The following PARD6G variants were observed in gnomAD, a reference collection of about 807,000 sequenced individuals.
PARD6G encodes the protein partitioning defective 6 homolog gamma.
Under a neutral mutation model 10.7 loss-of-function variants are expected in PARD6G, and 7 were observed. The observed-to-expected ratio is 0.66, with a 90% CI of 0.37 to 1.23. PARD6G has a LOEUF of 1.23. PARD6G is among the 50% of genes most tolerant of loss of function. The pLI, the probability that PARD6G is intolerant of heterozygous loss-of-function variation, is 0.02. For synonymous variants in PARD6G, 287 were observed against 269.4 expected (o/e 1.07, Z -0.64); for missense variants, 548 against 571.8 (o/e 0.96, Z 0.42).
intron 1 of PARD6G, among the ~76,000 whole-genome samples, chr18:80,233,879 A>G (rs1967388409): frequency 1.3e-5 from 2 of 152,194 alleles, no homozygotes; most frequent in Admixed American, 1.3e-4. Flanking sequence ...TAAGACAGAA[A>G]ATAAATGCAC....
chr18:80,177,217 C>T lies in PARD6G; in HGVS notation c.296-16611G>A, dbSNP rs868858501. On this transcript the variant is annotated intron_variant, in intron 2 of 2. Transcript: ENST00000353265. The stretch of plus-strand genomic sequence containing the variant: ...TATAAATCACAGCCTAAATGGGAAG[C>T]GCACACACACACACACACACACACA... Among the ~76,000 whole-genome samples, 14 of 117,126 alleles carry T rather than the reference C, an allele frequency of 1.2e-4. No individual in the cohort carries two copies. In the South Asian group the frequency reaches 3.1e-3, roughly 26 times the overall value. The allele number at this position is 117,126 out of a possible 152,430, so 76.8% of individuals were successfully genotyped here.
Position 80,161,645 on chromosome 18 carries a change from C to T in PARD6G, c.296-1039G>A, listed in dbSNP as rs1162935940. ...ACACGACTCTGTAAGACAGGCGTCT[C>T]GGGGAGCAGAGGGAAGGGCTTGCTC... On this transcript the variant is annotated intron_variant, in intron 2 of 2. Coordinates refer to ENST00000353265, the MANE Select transcript of PARD6G (RefSeq NM_032510.4). This position sits in a 1 kb window ranked among gnomAD's most constrained non-coding sequence, Gnocchi z 4.6. 5 of 152,146 alleles carry T rather than the reference C, an allele frequency of 3.3e-5. No individual in the cohort carries two copies. The highest frequency in any genetic ancestry group is 5.9e-5 in the Non-Finnish European group (4 of 68,042). The allele number at this position is 152,146 out of a possible 1,614,324, so 9.4% of individuals were successfully genotyped here.
chr18:80,158,144 C>G lies in PARD6G; in HGVS notation c.*1627G>C, dbSNP rs1432123717. 6.6e-6 allele frequency: 1 copy of G among 152,120 alleles called. No individual in the cohort carries two copies. Among genetic ancestry groups the G allele is most frequent in the East Asian group, 1.9e-4 (1 of 5,196 alleles). The allele number at this position is 152,120 out of a possible 1,614,324, so 9.4% of individuals were successfully genotyped here. ...AAATATATAAACGTTGCTGGAAGAT[C>G]AACATAAAGTGAGGATGAATTTAGT... is the stretch of plus-strand genomic sequence containing the variant. On this transcript the variant is annotated 3_prime_UTR_variant, in exon 3 of 3. Coordinates refer to ENST00000353265, the MANE Select transcript of PARD6G (RefSeq NM_032510.4).
intron 1 of PARD6G, among the ~76,000 whole-genome samples, chr18:80,241,847 G>A (rs940372363): frequency 2.0e-5 from 3 of 152,162 alleles, no homozygotes; most frequent in African/African-American, 4.8e-5. Context: ...CCTTCTTGCT[G>A]CCTCTAAAGG....
intron 2 of PARD6G, among the ~76,000 whole-genome samples, chr18:80,178,608 C>A (rs553283108): frequency 6.6e-6 from 1 of 152,350 alleles, no homozygotes; most frequent in South Asian, 2.1e-4. Flanking sequence ...TTTGGTAAAA[C>A]CATGTCCCAG....
rs1967464342 is a variant in PARD6G at position 80,239,398 on chromosome 18, A to G, written c.72+7879T>C. ...CCTGGGCTACACTGGAGGAAGAATC[A>G]TCATCTTGGGCCACACATAAAATGC... On this transcript the variant is annotated intron_variant, in intron 1 of 2. Coordinates refer to ENST00000353265, the MANE Select transcript of PARD6G (RefSeq NM_032510.4). Among the ~76,000 whole-genome samples the G allele has an allele frequency of 2.0e-5, 3 of 152,198 alleles. No individual in the cohort carries two copies. In the South Asian group the frequency reaches 6.2e-4, roughly 31 times the overall value.
At position 80,228,111 on chromosome 18, in the gene PARD6G, C is replaced by T. The variant is rs751472965; in HGVS notation, c.72+19166G>A. On this transcript the variant is annotated intron_variant, in intron 1 of 2. Transcript: ENST00000353265. The surrounding 1 kb of genome is among the most constrained non-coding windows in gnomAD (Gnocchi z 4.6). ...GTAGATACTAAAAACATTTACTAAA[C>T]GACAGGTGACCAGCGTGAGGCAGGC... Among the ~76,000 whole-genome samples, 4 of 152,292 alleles carry T rather than the reference C, an allele frequency of 2.6e-5. No individual in the cohort carries two copies. Among genetic ancestry groups the T allele is most frequent in the Non-Finnish European group, 4.4e-5 (3 of 68,028 alleles).
intron 1 of PARD6G, among the ~76,000 whole-genome samples, chr18:80,212,488 G>A (rs375573260): frequency 3.5e-4 from 54 of 152,328 alleles, no homozygotes; most frequent in African/African-American, 1.3e-3. Context: ...GGTGGTGGGA[G>A]GTGCTCATTA....
chr18:80,239,199 C>A (rs1402333126), intron 1 of PARD6G, among the ~76,000 whole-genome samples: 1 of 152,062 alleles, frequency 6.6e-6, no homozygotes, highest in Non-Finnish European at 1.5e-5. Context: ...ACCCCAGGAA[C>A]ATGGGAGCAG....
chr18:80,222,035 A>T (rs1453820711), intron 1 of PARD6G, among the ~76,000 whole-genome samples: 4 of 152,120 alleles, frequency 2.6e-5, no homozygotes, highest in Non-Finnish European at 5.9e-5. Context: ...AGAAGATCTA[A>T]ATTAATGGAA....
chr18:80,191,388 C>G (rs1053911948), intron 2 of PARD6G, among the ~76,000 whole-genome samples: 1 of 152,120 alleles, frequency 6.6e-6, no homozygotes, highest in Non-Finnish European at 1.5e-5. Context: ...CTGTATGGTT[C>G]TTTGGGCTTT....
chr18:80,197,163 A>G (rs1568434933), intron 2 of PARD6G, among the ~76,000 whole-genome samples: 1 of 152,192 alleles, frequency 6.6e-6, no homozygotes, highest in Non-Finnish European at 1.5e-5. Context: ...GCAGAAATTG[A>G]ATTCTGACGG....
At chr18:80,209,074 TG>T (rs1209721218) in intron 1 of PARD6G, among the ~76,000 whole-genome samples, 1 of 151,492 alleles carries the variant, frequency 6.6e-6, no homozygotes, top group Admixed American at 6.6e-5. Context: ...CACTCCAGCT[TG>T]AGTAACAGAG....
At position 80,181,991 on chromosome 18, in the gene PARD6G, G is replaced by GC. The variant is rs2052850863; in HGVS notation, c.295+20718dup. ...TTTGCAGAGTTCAGAGCTCTCGCAG[G>GC]CCTCGTGTTCAACTCCTCATCTTGC... is the stretch of plus-strand genomic sequence containing the variant. On this transcript the variant is annotated intron_variant, in intron 2 of 2. Coordinates refer to ENST00000353265, the MANE Select transcript of PARD6G (RefSeq NM_032510.4). The surrounding 1 kb of genome is among the most constrained non-coding windows in gnomAD (Gnocchi z 7.9). 6.6e-6 allele frequency among the ~76,000 whole-genome samples: 1 copy of GC among 152,146 alleles called. No homozygotes were observed. Among genetic ancestry groups the GC allele is most frequent in the Non-Finnish European group, 1.5e-5 (1 of 68,024 alleles).
intron 2 of PARD6G, among the ~76,000 whole-genome samples, chr18:80,176,881 CAG>C (rs1343690509): frequency 6.6e-6 from 1 of 151,986 alleles, no homozygotes; most frequent in Non-Finnish European, 1.5e-5. Flanking sequence ...AGTCACAGTC[CAG>C]ATGGGAAGCA....
intron 2 of PARD6G, among the ~76,000 whole-genome samples, chr18:80,165,138 G>T (rs2052727075): frequency 6.6e-6 from 1 of 152,196 alleles, no homozygotes; most frequent in Non-Finnish European, 1.5e-5. Flanking sequence ...CCCCACCCTA[G>T]TAAGCCTGAA....
chr18:80,173,008 T>C (rs1009697512), intron 2 of PARD6G, among the ~76,000 whole-genome samples: 5 of 152,188 alleles, frequency 3.3e-5, no homozygotes, highest in African/African-American at 1.2e-4. Context: ...AACATAAATG[T>C]CACCATATGC....
Position 80,200,937 on chromosome 18 carries a change from A to G in PARD6G, c.295+1773T>C, listed in dbSNP as rs1967001595. ...TCACCCCAGCTCCACAGTCAGCGGG[A>G]CAAAAAGACTTGTTTCCTGCACGAT... On this transcript the variant is annotated intron_variant, in intron 2 of 2. Coordinates refer to ENST00000353265, the MANE Select transcript of PARD6G (RefSeq NM_032510.4). This position sits in a 1 kb window ranked among gnomAD's most constrained non-coding sequence, Gnocchi z 4.4. Among the ~76,000 whole-genome samples the G allele has an allele frequency of 6.6e-6, 1 of 152,224 alleles. No homozygotes were observed. Among genetic ancestry groups the G allele is most frequent in the Admixed American group, 6.5e-5 (1 of 15,286 alleles).
chr18:80,176,836 G>A (rs1199379042), intron 2 of PARD6G, among the ~76,000 whole-genome samples: 1 of 152,044 alleles, frequency 6.6e-6, no homozygotes, highest in African/African-American at 2.4e-5. Flanking sequence ...ACGATCCTTA[G>A]AAAACAAACA....
Sources: allele counts gnomAD v4.1 joint callset (sites outside exome capture counted in the v4.1 genomes callset), GRCh38; gene constraint gnomAD v4.1.1; non-coding constraint Gnocchi (gnomAD v3.1); transcripts MANE v1.5; gene names NCBI Gene and HGNC (gene_info 2026-07-23, HGNC 2026-07-21).